The following AGBL1 variants were observed in gnomAD, a reference collection of about 807,000 sequenced individuals.
AGBL1 encodes AGBL carboxypeptidase 1, also known as cytosolic carboxypeptidase 4.
AGBL1 carries 130 observed loss-of-function variants against 118.9 expected under a neutral mutation model. The ratio of observed to expected loss-of-function variants is 1.09; its 90% confidence interval spans 0.95 to 1.26. The LOEUF (loss-of-function observed/expected upper bound fraction) is 1.26, where lower values mean the gene tolerates loss of function less well. Among genes scored for constraint, AGBL1 ranks in the 50% most tolerant of loss-of-function variants. The probability of loss-of-function intolerance (pLI) is 0.00; values close to 1 mark genes in which losing one functional copy is unlikely to be tolerated. For missense variants in AGBL1, 1,584 were observed against 1,298.1 expected, an observed-to-expected ratio of 1.22 and a Z score of -3.38; for synonymous variants, 555 against 478.9, an observed-to-expected ratio of 1.16 and a Z score of -2.08.
chr15:86,321,555 G>T (rs2080105474), intron 17 of AGBL1, among the ~76,000 whole-genome samples: 1 of 151,796 alleles, frequency 6.6e-6, no homozygotes, highest in Non-Finnish European at 1.5e-5. Context: ...GATCACCAGA[G>T]GTCAGGGGTT....
intron 17 of AGBL1, among the ~76,000 whole-genome samples, chr15:86,397,104 T>G (rs1452509822): frequency 6.6e-6 from 1 of 152,138 alleles, no homozygotes; most frequent in African/African-American, 2.4e-5. Flanking sequence ...TAAAACCTCA[T>G]GCCAATCATG....
chr15:86,567,744 T>C (rs1003661355), intron 21 of AGBL1, among the ~76,000 whole-genome samples: 6 of 152,178 alleles, frequency 3.9e-5, no homozygotes, highest in African/African-American at 1.4e-4. Flanking sequence ...TTAGTGTGCA[T>C]GAGAATCACT....
At chr15:86,087,332 C>CTTTTTTTTTTTTTTTTTTTTTTT (rs565797859) in intron 1 of AGBL1, among the ~76,000 whole-genome samples, 1 of 135,520 alleles carries the variant, frequency 7.4e-6, no homozygotes, top group Non-Finnish European at 1.6e-5. Flanking sequence ...ATTTAATGGG[C>CTTTTTTTTTTTTTTTTTTTTTTT]TTTTTTTTTT....
chr15:86,827,995 C>G (rs1440462817), intron 22 of AGBL1, among the ~76,000 whole-genome samples: 1 of 77,152 alleles, frequency 1.3e-5, no homozygotes, highest in South Asian at 4.3e-4. Context: ...GGCTGGAGTG[C>G]AGTTGTGTGA....
chr15:86,334,072 C>A (rs1398809650), intron 17 of AGBL1, among the ~76,000 whole-genome samples: 1 of 152,152 alleles, frequency 6.6e-6, no homozygotes, highest in African/African-American at 2.4e-5. Context: ...CAACCAACAT[C>A]ATAATAAACA....
chr15:86,708,939 C>T (rs2086504931), intron 22 of AGBL1, among the ~76,000 whole-genome samples: 1 of 152,064 alleles, frequency 6.6e-6, no homozygotes, highest in Admixed American at 6.6e-5. Context: ...TTTAATGTAC[C>T]TGTGAGAGTT....
At position 86,729,091 on chromosome 15, in the gene AGBL1, C is replaced by T. The variant is rs371899492; in HGVS notation, c.3158+54655C>T. Among the ~76,000 whole-genome samples, 16 of 152,296 alleles carry T rather than the reference C, an allele frequency of 1.1e-4. No homozygotes were observed. In the East Asian group the frequency reaches 1.3e-3, roughly 13 times the overall value. ...ATCTAAGCTCCCTCCAATAGAGTCT[C>T]CTAGGCCTGTAACCAATTTCTGGCA... On this transcript the variant is annotated intron_variant, in intron 22 of 22. Transcript: ENST00000614907.
At chr15:86,704,525 T>C (rs1454543533) in intron 22 of AGBL1, among the ~76,000 whole-genome samples, 1 of 152,012 alleles carries the variant, frequency 6.6e-6, no homozygotes. Flanking sequence ...AACAAACATA[T>C]CAAAAGAAGT....
intron 16 of AGBL1, among the ~76,000 whole-genome samples, chr15:86,293,999 T>C (rs1362913223): frequency 6.6e-6 from 1 of 152,130 alleles, no homozygotes; most frequent in Non-Finnish European, 1.5e-5. Context: ...GTTACTGAAA[T>C]TTCCACTGTC....
intron 18 of AGBL1, among the ~76,000 whole-genome samples, chr15:86,482,471 A>G (rs1051762157): frequency 6.6e-6 from 1 of 152,154 alleles, no homozygotes. Flanking sequence ...TAAAAAAATA[A>G]TGATTTCCCA....
At chr15:86,672,121 T>C (rs2085756637) in intron 21 of AGBL1, among the ~76,000 whole-genome samples, 1 of 151,314 alleles carries the variant, frequency 6.6e-6, no homozygotes, top group South Asian at 2.1e-4. Context: ...TGTGTGAGAG[T>C]AAAGAGAAAA....
At chr15:86,794,923 C>T (rs1403163463) in intron 22 of AGBL1, among the ~76,000 whole-genome samples, 1 of 152,160 alleles carries the variant, frequency 6.6e-6, no homozygotes, top group Non-Finnish European at 1.5e-5. Context: ...ACTGTGTCAT[C>T]ACATCACAGA....
At chr15:86,974,901 G>A (rs942105191) in intron 23 of AGBL1, among the ~76,000 whole-genome samples, 8 of 151,934 alleles carry the variant, frequency 5.3e-5, no homozygotes, top group African/African-American at 1.9e-4. Context: ...TGAAGTTCCT[G>A]AGTGGAGATA....
intron 17 of AGBL1, among the ~76,000 whole-genome samples, chr15:86,336,863 A>G (rs903954435): frequency 3.9e-5 from 6 of 152,222 alleles, no homozygotes; most frequent in African/African-American, 1.4e-4. Flanking sequence ...CTATGATGAC[A>G]CATGATCTTT....
At chr15:86,801,994 A>G (rs2141350454) in intron 22 of AGBL1, among the ~76,000 whole-genome samples, 1 of 152,188 alleles carries the variant, frequency 6.6e-6, no homozygotes, top group East Asian at 1.9e-4. Context: ...GAAGAATTAA[A>G]CTTTATATCC....
intron 21 of AGBL1, among the ~76,000 whole-genome samples, chr15:86,564,043 C>T (rs915631119): frequency 2.0e-5 from 3 of 152,108 alleles, no homozygotes; most frequent in Non-Finnish European, 4.4e-5. Context: ...TGAGATGGGT[C>T]TCCTGAATAC....
intron 22 of AGBL1, among the ~76,000 whole-genome samples, chr15:86,732,489 C>T (rs2077538793): frequency 1.3e-5 from 2 of 152,236 alleles, no homozygotes; most frequent in South Asian, 4.2e-4. Flanking sequence ...TCTTTCTATG[C>T]ATTTCTAAAT....
intron 18 of AGBL1, among the ~76,000 whole-genome samples, chr15:86,494,728 T>G (rs896857433): frequency 6.6e-6 from 1 of 152,090 alleles, no homozygotes; most frequent in African/African-American, 2.4e-5. Context: ...GAAAAGAAGA[T>G]GTCATCCTTT....
intron 21 of AGBL1, among the ~76,000 whole-genome samples, chr15:86,644,699 G>A (rs1367579576): frequency 6.6e-6 from 1 of 151,840 alleles, no homozygotes; most frequent in Non-Finnish European, 1.5e-5. Flanking sequence ...AAAGCTGAAG[G>A]GCTTGTCTAC....
Sources: allele counts gnomAD v4.1 joint callset (sites outside exome capture counted in the v4.1 genomes callset), GRCh38; gene constraint gnomAD v4.1.1; transcripts MANE v1.5; gene names NCBI Gene and HGNC (gene_info 2026-07-23, HGNC 2026-07-21).